The following NHERF1 variants were observed in gnomAD, a reference collection of about 807,000 sequenced individuals.
The protein encoded by NHERF1 is NHERF family PDZ scaffold protein 1.
chr17:74,759,448 G>A, the NHERF1 span, among the ~76,000 whole-genome samples: 56 of 152,332 alleles, frequency 3.7e-4, no homozygotes, highest in African/African-American at 1.3e-3. Flanking sequence ...AGAGACCAGG[G>A]CCAGAGGATG....
At chr17:74,763,991 G>A in the NHERF1 span, among the ~76,000 whole-genome samples, 1,321 of 152,316 alleles carry the variant, frequency 8.7e-3, 18 homozygotes, top group African/African-American at 0.031. Flanking sequence ...AGCCTTGCTG[G>A]CTCTAGAGAG....
At chr17:74,764,630 A>G in the NHERF1 span, among the ~76,000 whole-genome samples, 2 of 150,924 alleles carry the variant, frequency 1.3e-5, no homozygotes, top group African/African-American at 2.4e-5. The surrounding 1 kb of genome is among the most constrained non-coding windows in gnomAD (Gnocchi z 4.9). Flanking sequence ...TGCTTCCCCC[A>G]CCCCTTCACC....
chr17:74,766,802 TG>T, the NHERF1 span: 1 of 840,458 alleles, frequency 1.2e-6, no homozygotes, highest in Non-Finnish European at 2.1e-6. Context: ...TCATGGTGGG[TG>T]GTAGTCAAAA....
chr17:74,764,985 A>G, the NHERF1 span, among the ~76,000 whole-genome samples: 1 of 152,122 alleles, frequency 6.6e-6, no homozygotes, highest in Non-Finnish European at 1.5e-5. The surrounding 1 kb of genome is among the most constrained non-coding windows in gnomAD (Gnocchi z 4.9). Flanking sequence ...GGGGACAGGG[A>G]AAAGATAACC....
chr17:74,766,164 C>T, the NHERF1 span, among the ~76,000 whole-genome samples: 2 of 152,040 alleles, frequency 1.3e-5, no homozygotes, highest in African/African-American at 2.4e-5. Flanking sequence ...TAGATAGAGA[C>T]CAGCAGGTTT....
chr17:74,749,652 C>A, the NHERF1 span, among the ~76,000 whole-genome samples: 1 of 152,290 alleles, frequency 6.6e-6, no homozygotes, highest in East Asian at 1.9e-4. This position sits in a 1 kb window ranked among gnomAD's most constrained non-coding sequence, Gnocchi z 5.6. Context: ...CCCTGGTGCC[C>A]TCTCCTCGTT....
the NHERF1 span, among the ~76,000 whole-genome samples, chr17:74,754,550 C>G: frequency 6.6e-6 from 1 of 151,858 alleles, no homozygotes; most frequent in African/African-American, 2.4e-5. Flanking sequence ...TTACAAACAC[C>G]CGCCACCACA....
At chr17:74,767,029 C>T in the NHERF1 span, 3 of 1,551,018 alleles carry the variant, frequency 1.9e-6, no homozygotes, top group Non-Finnish European at 2.7e-6. Context: ...GTGCATGAGA[C>T]AGATCAGAAG....
the NHERF1 span, chr17:74,748,793 C>G: frequency 2.7e-6 from 4 of 1,468,370 alleles, no homozygotes; most frequent in Non-Finnish European, 3.7e-6. This position sits in a 1 kb window ranked among gnomAD's most constrained non-coding sequence, Gnocchi z 4.3. Context: ...TGGGCCGTCC[C>G]GTCCCGTCCC....
At chr17:74,756,820 A>G in the NHERF1 span, among the ~76,000 whole-genome samples, 208 of 145,388 alleles carry the variant, frequency 1.4e-3, no homozygotes, top group African/African-American at 5.1e-3. Context: ...AAACACATGT[A>G]AAGAGCTCGG....
chr17:74,766,860 A>T, the NHERF1 span: 3 of 1,445,100 alleles, frequency 2.1e-6, no homozygotes, highest in South Asian at 3.4e-5. Context: ...AATCTGCCCA[A>T]ACCCAACTCC....
chr17:74,755,004 G>T, the NHERF1 span, among the ~76,000 whole-genome samples: 1 of 152,158 alleles, frequency 6.6e-6, no homozygotes, highest in African/African-American at 2.4e-5. Flanking sequence ...GCCATGGCGG[G>T]TCCCAGGACT....
the NHERF1 span, chr17:74,768,115 C>G: frequency 6.0e-6 from 9 of 1,498,382 alleles, no homozygotes; most frequent in South Asian, 7.9e-5. Context: ...ACCCCATCCT[C>G]TGACAACCCA....
the NHERF1 span, among the ~76,000 whole-genome samples, chr17:74,755,246 G>A: frequency 6.6e-6 from 1 of 152,166 alleles, no homozygotes; most frequent in East Asian, 1.9e-4. Context: ...AGGTGCTCCT[G>A]TCCCTAGCAG....
the NHERF1 span, among the ~76,000 whole-genome samples, chr17:74,760,448 C>A: frequency 6.6e-6 from 1 of 152,214 alleles, no homozygotes; most frequent in South Asian, 2.1e-4. The surrounding 1 kb of genome is among the most constrained non-coding windows in gnomAD (Gnocchi z 4.5). Context: ...AAGACCTGCC[C>A]AAGCCTTTAA....
the NHERF1 span, chr17:74,768,584 C>A: frequency 6.2e-7 from 1 of 1,614,160 alleles, no homozygotes; most frequent in Non-Finnish European, 8.5e-7. Flanking sequence ...AGAGGGCCCA[C>A]CAGAAACGCA....
At chr17:74,768,026 GC>G in the NHERF1 span, 3 of 797,574 alleles carry the variant, frequency 3.8e-6, no homozygotes, top group Non-Finnish European at 6.9e-6. Context: ...GGGGTGGGTG[GC>G]CAGGGCATCA....
At chr17:74,759,448 G>T in the NHERF1 span, among the ~76,000 whole-genome samples, 1 of 152,214 alleles carries the variant, frequency 6.6e-6, no homozygotes, top group Non-Finnish European at 1.5e-5. Context: ...AGAGACCAGG[G>T]CCAGAGGATG....
At chr17:74,767,564 G>A in the NHERF1 span, among the ~76,000 whole-genome samples, 1 of 152,196 alleles carries the variant, frequency 6.6e-6, no homozygotes, top group Admixed American at 6.5e-5. Context: ...CCTTCCCTAG[G>A]AGCTCCTGCC....
Sources: allele counts gnomAD v4.1 joint callset (sites outside exome capture counted in the v4.1 genomes callset), GRCh38; gene constraint gnomAD v4.1.1; non-coding constraint Gnocchi (gnomAD v3.1); transcripts MANE v1.5; gene names NCBI Gene and HGNC (gene_info 2026-07-23, HGNC 2026-07-21).